GRIN2C: variants seen among roughly 807,000 people sequenced by gnomAD.
The protein encoded by GRIN2C is glutamate ionotropic receptor NMDA type subunit 2C.
Under a neutral mutation model 77.7 loss-of-function variants are expected in GRIN2C, and 64 were observed. The observed-to-expected ratio is 0.82, with a 90% CI of 0.67 to 1.01. The LOEUF (loss-of-function observed/expected upper bound fraction) is 1.01, where lower values mean the gene tolerates loss of function less well. Ranked by LOEUF, GRIN2C falls within the 50% of genes least tolerant of loss-of-function variation. GRIN2C has a pLI of 0.00. For missense variants in GRIN2C, 1,549 were observed against 1,486.0 expected, an observed-to-expected ratio of 1.04 and a Z score of -0.70; for synonymous variants, 792 against 643.4, an observed-to-expected ratio of 1.23 and a Z score of -3.49.
rs761132412 is a variant in GRIN2C at position 74,842,529 on chromosome 17, C to T, written c.3608G>A (p.Gly1203Glu). The change falls in exon 13 of 13, where the codon GGA becomes GAA. Residue 1203 changes from glycine to glutamate, a missense_variant. Gly to Glu is a moderately conservative substitution (Grantham distance 98, BLOSUM62 -2). Coordinates refer to ENST00000293190, the MANE Select transcript of GRIN2C (RefSeq NM_000835.6). ...GGCTACCCTGCTGATCTCGTCCAGT[C>T]CCCCACTGTCTCTGTAGCCTGTGCC... ...GLGTGYRDSGGLDEISRVARG... is the reference protein window; with the variant it reads ...GLGTGYRDSGELDEISRVARG... 2.6e-6 allele frequency: 2 copies of T among 778,980 alleles called. No individual in the cohort carries two copies. The highest frequency in any genetic ancestry group is 4.8e-6 in the Non-Finnish European group (2 of 417,726). The allele number at this position is 778,980 out of a possible 1,614,324, so 48.3% of individuals were successfully genotyped here. A position where few individuals can be genotyped will look rare whatever the true frequency, so the allele number is the denominator to read the frequency against.
In GRIN2C at chr17:74,855,061, A is replaced by G; in HGVS notation, c.32T>C (p.Leu11Pro). 1 of 1,596,042 alleles carries G rather than the reference A, an allele frequency of 6.3e-7. No individual in the cohort carries two copies. The highest frequency in any genetic ancestry group is 8.5e-7 in the Non-Finnish European group (1 of 1,177,440). ...TGCCCAGGCACCGAAGAGCGAGGTG[A>G]GCAACAGGGCCGGCCCCAGGGCCCC... MGGALGPALL[L>P]TSLFGAWAGL... The change falls in exon 2 of 13, where the codon CTC becomes CCC. Residue 11 changes from leucine (L) to proline (P), a missense_variant. This residue lies in a region of GRIN2C where 382 missense variants were observed against 360.0 expected (regional missense o/e 1.06). Coordinates refer to ENST00000293190, the MANE Select transcript of GRIN2C (RefSeq NM_000835.6).
At chr17:74,853,714 T>C (rs2037731210) in intron 2 of GRIN2C, 1 of 151,524 alleles carries the variant, frequency 6.6e-6, no homozygotes, top group Non-Finnish European at 1.5e-5. Context: ...GATATATGAG[T>C]CTTCCTTATA....
At chr17:74,854,641 C>T (rs1391403564) in intron 2 of GRIN2C, 53 bp downstream of exon 2, 1 of 1,517,914 alleles carries the variant, frequency 6.6e-7, no homozygotes, top group East Asian at 2.3e-5. Flanking sequence ...CACCCCCGAC[C>T]CCAGCCTGGT....
In GRIN2C at chr17:74,850,650, G is replaced by A. The variant is rs373922375; in HGVS notation, c.1231C>T (p.Arg411Trp). The part of the protein sequence containing the change: ...RHLTVATLEE[R>W]PFVIVESPDP... Reference sequence around the variant, plus strand: ...GGGCTCTCCACGATGACAAAGGGCCGCTCTTCCAGCGTGGCCACCGTCAGG... The same window carrying A: ...GGGCTCTCCACGATGACAAAGGGCCACTCTTCCAGCGTGGCCACCGTCAGG... The change falls in exon 5 of 13, where the codon CGG (arginine) becomes TGG (tryptophan). Residue 411 changes from arginine (R) to tryptophan (W), a missense_variant. Coordinates refer to ENST00000293190, the MANE Select transcript of GRIN2C (RefSeq NM_000835.6). This position sits in a 1 kb window ranked among gnomAD's most constrained non-coding sequence, Gnocchi z 5.3. The A allele has an allele frequency of 1.4e-4, 231 of 1,613,482 alleles. No homozygotes were observed. The highest frequency in any genetic ancestry group is 3.6e-4 in the African/African-American group (27 of 74,900).
rs3833106 is a variant in GRIN2C, at chr17:74,847,272, G to GC, written c.2001+35dup. 1,976 of 691,982 alleles carry GC rather than the reference G, an allele frequency of 2.9e-3. 8 individuals are homozygous for GC. The highest frequency in any genetic ancestry group is 8.4e-3 in the African/African-American group (446 of 53,064). The allele number at this position is 691,982 out of a possible 1,614,324, so 42.9% of individuals were successfully genotyped here. On this transcript the variant is annotated intron_variant, in intron 9 of 12. Transcript: ENST00000293190. The surrounding 1 kb of genome is among the most constrained non-coding windows in gnomAD (Gnocchi z 5.2). Reference sequence around the variant, plus strand: ...CTCACGGCCTGTCCCCACCCTCAGTGCCCCCCCCCACCCCCAGCAGCTATG... The same window carrying GC: ...CTCACGGCCTGTCCCCACCCTCAGTGCCCCCCCCCCACCCCCAGCAGCTATG...
In GRIN2C at chr17:74,846,949, A is replaced by C; in HGVS notation, c.2002-29T>G. 6.3e-7 allele frequency: 1 copy of C among 1,590,374 alleles called. No homozygotes were observed. Among genetic ancestry groups the C allele is most frequent in the Non-Finnish European group, 8.6e-7 (1 of 1,166,432 alleles). ...CAGGCGGAGGGCAGCAGCCAGTCAC[A>C]ACCCTTCCTCCAGCCTTCCAGGCAC... On this transcript the variant is annotated intron_variant, in intron 9 of 12. Transcript: ENST00000293190. This position sits in a 1 kb window ranked among gnomAD's most constrained non-coding sequence, Gnocchi z 4.4.
At chr17:74,860,625 C>T, upstream of GRIN2C, 1 of 404,328 alleles carries the variant, frequency 2.5e-6, no homozygotes, top group Non-Finnish European at 5.0e-6. Context: ...GCGGCTGGTG[C>T]GCAGCCAGGG....
intron 11 of GRIN2C, among the ~76,000 whole-genome samples, chr17:74,844,907 C>T (rs752065328): frequency 1.1e-4 from 17 of 152,094 alleles, no homozygotes; most frequent in Non-Finnish European, 1.6e-4. Context: ...AAGAGACACA[C>T]ATTGTGATTG....
chr17:74,849,638 C>T lies in GRIN2C; in HGVS notation c.1645+142G>A. ...CTTCTCCTGTCTCCTTTCCACTCACCTCCAGCCAACCTCCAAGACCCAAGG... is the reference window on the plus strand; with the variant it reads ...CTTCTCCTGTCTCCTTTCCACTCACTTCCAGCCAACCTCCAAGACCCAAGG... On this transcript the variant is annotated intron_variant, in intron 7 of 12. Coordinates refer to ENST00000293190, the MANE Select transcript of GRIN2C (RefSeq NM_000835.6). This position sits in a 1 kb window ranked among gnomAD's most constrained non-coding sequence, Gnocchi z 4.6. The T allele has an allele frequency of 1.3e-6, 1 of 744,298 alleles. No individual in the cohort carries two copies. The highest frequency in any genetic ancestry group is 2.2e-6 in the Non-Finnish European group (1 of 455,096). The allele number at this position is 744,298 out of a possible 1,614,324, so 46.1% of individuals were successfully genotyped here. A position where few individuals can be genotyped will look rare whatever the true frequency, so the allele number is the denominator to read the frequency against.
At position 74,846,851 on chromosome 17, in the gene GRIN2C, T is replaced by C; in HGVS notation, c.2071A>G (p.Asn691Asp). ...GTVPNGSTER[N>D]IRSNYRDMHT... is the part of the protein sequence containing the mutation. ...ATGTCACGGTAGTTACTGCGGATGT[T>C]CCGCTCCGTGCTGCCGTTGGGCACC... is the stretch of plus-strand genomic sequence containing the variant. The change falls in exon 10 of 13, where the codon AAC (asparagine) becomes GAC (aspartate). Residue 691 changes from asparagine to aspartate, a missense_variant. Transcript: ENST00000293190. The surrounding 1 kb of genome is among the most constrained non-coding windows in gnomAD (Gnocchi z 4.4). 6.2e-7 allele frequency: 1 copy of C among 1,614,094 alleles called. No homozygotes were observed. Among genetic ancestry groups the C allele is most frequent in the Non-Finnish European group, 8.5e-7 (1 of 1,180,006 alleles).
intron 11 of GRIN2C, 83 bp downstream of exon 11, chr17:74,845,983 T>G (rs971572568): frequency 1.5e-6 from 2 of 1,305,904 alleles, no homozygotes; most frequent in African/African-American, 2.9e-5. Flanking sequence ...TCACAGGCCT[T>G]GGGAACTTGA....
chr17:74,844,544 A>AC, intron 11 of GRIN2C, 36 bp from the exon 12 acceptor site: 1 of 1,596,728 alleles, frequency 6.3e-7, no homozygotes, highest in Non-Finnish European at 8.6e-7. Context: ...GGCTCAGGAA[A>AC]CCCCCCTATA....
intron 12 of GRIN2C, 43 bp from the exon 13 acceptor site, chr17:74,843,596 C>T (rs2037370623): frequency 1.3e-6 from 2 of 1,507,624 alleles, no homozygotes; most frequent in Non-Finnish European, 1.8e-6. Context: ...GCGCCCTCCG[C>T]TCAGGGACCC....
In GRIN2C at chr17:74,846,904, T is replaced by C; in HGVS notation, c.2018A>G (p.Asp673Gly). The change falls in exon 10 of 13, where the codon GAT becomes GGT. Residue 673 changes from aspartate to glycine, a missense_variant. Around this residue, in one of 3 missense-constraint regions of GRIN2C, gnomAD observed 717 missense variants for 858.1 expected, o/e 0.84. Coordinates refer to ENST00000293190, the MANE Select transcript of GRIN2C (RefSeq NM_000835.6). The surrounding 1 kb of genome is among the most constrained non-coding windows in gnomAD (Gnocchi z 4.4). ...GCCGAAGCGGAAAGGTGGGTACTGA[T>C]CTTGAGGCCGCTGAAACTGCAGGCG... is the stretch of plus-strand genomic sequence containing the variant. ...LSDKKFQRPQDQYPPFRFGTV... is the reference protein window; with the variant it reads ...LSDKKFQRPQGQYPPFRFGTV... 6.2e-7 allele frequency: 1 copy of C among 1,609,420 alleles called. No individual in the cohort carries two copies. Among genetic ancestry groups the C allele is most frequent in the African/African-American group, 1.3e-5 (1 of 74,920 alleles).
At chr17:74,858,855 A>G (rs975042327) in intron 1 of GRIN2C, among the ~76,000 whole-genome samples, 1 of 151,924 alleles carries the variant, frequency 6.6e-6, no homozygotes, top group Non-Finnish European at 1.5e-5. Flanking sequence ...GCCTCGTTCC[A>G]GCATCCCCCA....
At position 74,846,319 on chromosome 17, in the gene GRIN2C, C is replaced by T; in HGVS notation, c.2163-66G>A. On this transcript the variant is annotated intron_variant, in intron 10 of 12. Coordinates refer to ENST00000293190, the MANE Select transcript of GRIN2C (RefSeq NM_000835.6). The surrounding 1 kb of genome is among the most constrained non-coding windows in gnomAD (Gnocchi z 4.4). The stretch of plus-strand genomic sequence containing the variant: ...AGGGGAGGGGACACCGAAACTGGGG[C>T]GTGACAGGGGTCTAAACCACATGAG... 5 of 1,435,096 alleles carry T rather than the reference C, an allele frequency of 3.5e-6. No individual in the cohort carries two copies. The highest frequency in any genetic ancestry group is 1.7e-5 in the Admixed American group (1 of 58,664). 88.9% of individuals were successfully genotyped at this position (1,435,096 alleles called of 1,614,324 possible).
chr17:74,845,089 C>T (rs1048167257), intron 11 of GRIN2C, among the ~76,000 whole-genome samples: 1 of 151,548 alleles, frequency 6.6e-6, no homozygotes, highest in African/African-American at 2.4e-5. Flanking sequence ...ACCACCACAC[C>T]TGGCTAATTT....
In GRIN2C at chr17:74,850,921, G is replaced by T; in HGVS notation, c.1114-154C>A. ...CTCCCAACAGCCTCCCCCAGCCTCG[G>T]GTCCCTGTGTTCATACAGCTCCACA... is the stretch of plus-strand genomic sequence containing the variant. On this transcript the variant is annotated intron_variant, in intron 4 of 12. Coordinates refer to ENST00000293190, the MANE Select transcript of GRIN2C (RefSeq NM_000835.6). The surrounding 1 kb of genome is among the most constrained non-coding windows in gnomAD (Gnocchi z 5.3). The T allele has an allele frequency of 1.5e-6, 1 of 648,744 alleles. No individual in the cohort carries two copies. 40.2% of individuals were successfully genotyped at this position (648,744 alleles called of 1,614,324 possible).
chr17:74,851,800 A>G (rs2037654478), intron 3 of GRIN2C, 109 bp from the exon 4 acceptor site: 1 of 764,564 alleles, frequency 1.3e-6, no homozygotes, highest in Non-Finnish European at 2.2e-6. Context: ...TTATTGTTCA[A>G]AGTGCTTCCC....
Sources: gnomAD v4.1 joint callset for allele counts (sites outside exome capture counted in the v4.1 genomes callset) on GRCh38, gnomAD v4.1.1 for gene constraint, gnomAD v4.1.1 regional missense constraint, Gnocchi (gnomAD v3.1) non-coding constraint, MANE v1.5 for transcripts, NCBI Gene and HGNC (gene_info 2026-07-23, HGNC 2026-07-21) for gene names.